SLC25A21: variants seen among roughly 807,000 people sequenced by gnomAD.
The protein encoded by SLC25A21 is mitochondrial 2-oxodicarboxylate carrier.
Under a neutral mutation model 43.8 loss-of-function variants are expected in SLC25A21, and 47 were observed. The ratio of observed to expected loss-of-function variants is 1.07; its 90% confidence interval spans 0.85 to 1.37. The LOEUF (loss-of-function observed/expected upper bound fraction) is 1.37, where lower values mean the gene tolerates loss of function less well. Among genes scored for constraint, SLC25A21 ranks in the 40% most tolerant of loss-of-function variants. The pLI, the probability that SLC25A21 is intolerant of heterozygous loss-of-function variation, is 0.00. For missense variants in SLC25A21, 352 were observed against 350.2 expected (o/e 1.00, Z -0.04); for synonymous variants, 131 against 121.3 (o/e 1.08, Z -0.52).
At chr14:36,940,727 G>T (rs1892535257) in intron 1 of SLC25A21, among the ~76,000 whole-genome samples, 1 of 152,112 alleles carries the variant, frequency 6.6e-6, no homozygotes, top group Non-Finnish European at 1.5e-5. Flanking sequence ...CAGCAACAAA[G>T]AATTTCAGAC....
intron 1 of SLC25A21, among the ~76,000 whole-genome samples, chr14:36,996,276 C>T (rs111475137): frequency 1.3e-5 from 2 of 152,282 alleles, no homozygotes; most frequent in African/African-American, 4.8e-5. Flanking sequence ...CTGTGCTTCA[C>T]TTGATCATAG....
intron 1 of SLC25A21, among the ~76,000 whole-genome samples, chr14:37,039,115 C>T (rs1555333): frequency 6.6e-6 from 1 of 151,944 alleles, no homozygotes; most frequent in South Asian, 2.1e-4. Flanking sequence ...AAGGATGGTA[C>T]GGTGAGGGGT....
intron 1 of SLC25A21, among the ~76,000 whole-genome samples, chr14:37,078,284 G>T (rs1453180833): frequency 6.6e-6 from 1 of 152,176 alleles, no homozygotes; most frequent in Non-Finnish European, 1.5e-5. Context: ...TGGGTTAGCT[G>T]ACATTCTTTC....
At chr14:36,716,394 A>G (rs1308670913) in intron 6 of SLC25A21, among the ~76,000 whole-genome samples, 1 of 152,228 alleles carries the variant, frequency 6.6e-6, no homozygotes, top group East Asian at 1.9e-4. Flanking sequence ...TTTGTTAAAT[A>G]AGTAAATTTT....
chr14:37,033,352 A>AT, intron 1 of SLC25A21, among the ~76,000 whole-genome samples: 1 of 152,358 alleles, frequency 6.6e-6, no homozygotes, highest in East Asian at 1.9e-4. Flanking sequence ...TATTTTTAAA[A>AT]TTTGTTCATT....
chr14:36,958,679 GCACA>G (rs71124786), intron 1 of SLC25A21, among the ~76,000 whole-genome samples: 4,411 of 136,896 alleles, frequency 0.032, 94 homozygotes, highest in African/African-American at 0.051. Context: ...AAGCACACGT[GCACA>G]CACACACACA....
rs911586068 is a variant in SLC25A21 at position 36,680,145 on chromosome 14, A to G, written c.*513T>C. The G allele has an allele frequency of 1.2e-6, 1 of 852,722 alleles. No homozygotes were observed. The highest frequency in any genetic ancestry group is 1.8e-5 in the African/African-American group (1 of 54,184). The allele number at this position is 852,722 out of a possible 1,614,324, so 52.8% of individuals were successfully genotyped here. On this transcript the variant is annotated 3_prime_UTR_variant, in exon 10 of 10. Coordinates refer to ENST00000331299, the MANE Select transcript of SLC25A21 (RefSeq NM_030631.4). The stretch of plus-strand genomic sequence containing the variant: ...CATTCTTAAAAGGTCATTTTAGTGC[A>G]CTTTAAAAAATTTTTCTTGTGCTCT...
intron 1 of SLC25A21, among the ~76,000 whole-genome samples, chr14:37,129,288 C>T (rs1963352173): frequency 6.6e-6 from 1 of 152,164 alleles, no homozygotes; most frequent in South Asian, 2.1e-4. Context: ...AAAAACCAAA[C>T]AATTGGCACT....
intron 1 of SLC25A21, among the ~76,000 whole-genome samples, chr14:37,105,256 C>G (rs1358990443): frequency 1.3e-5 from 2 of 152,150 alleles, no homozygotes; most frequent in Admixed American, 6.5e-5. Context: ...AATGTGAAGT[C>G]AAACTCTGAA....
intron 1 of SLC25A21, among the ~76,000 whole-genome samples, chr14:37,139,023 A>G (rs1042901603): frequency 6.6e-6 from 1 of 152,114 alleles, no homozygotes; most frequent in Admixed American, 6.5e-5. Context: ...CTTTTGTACT[A>G]CGTGGAATTC....
chr14:36,772,562 A>G (rs1886659363), intron 3 of SLC25A21, among the ~76,000 whole-genome samples: 1 of 152,202 alleles, frequency 6.6e-6, no homozygotes, highest in Non-Finnish European at 1.5e-5. Flanking sequence ...TGTGAAGAGC[A>G]GAGAACAAAA....
chr14:37,025,626 G>C (rs1332214816), intron 1 of SLC25A21, among the ~76,000 whole-genome samples: 2 of 152,112 alleles, frequency 1.3e-5, no homozygotes, highest in Non-Finnish European at 2.9e-5. Context: ...AGCTGTGCCA[G>C]CAAAAGACTT....
intron 1 of SLC25A21, among the ~76,000 whole-genome samples, chr14:37,022,670 C>T (rs527962168): frequency 5.3e-5 from 8 of 151,990 alleles, no homozygotes; most frequent in Admixed American, 5.2e-4. Flanking sequence ...CAGATTAATC[C>T]TCCTAAAATA....
intron 7 of SLC25A21, among the ~76,000 whole-genome samples, chr14:36,687,219 T>C (rs1018642837): frequency 6.6e-6 from 1 of 152,150 alleles, no homozygotes; most frequent in Non-Finnish European, 1.5e-5. Context: ...TCCCAAAGTG[T>C]TGGGATTACA....
intron 7 of SLC25A21, among the ~76,000 whole-genome samples, chr14:36,709,006 C>T (rs1212417432): frequency 6.7e-6 from 1 of 149,312 alleles, no homozygotes; most frequent in Non-Finnish European, 1.5e-5. Flanking sequence ...TCTGATTAAT[C>T]TTTTTTTTTT....
intron 1 of SLC25A21, among the ~76,000 whole-genome samples, chr14:37,038,039 C>G (rs1961366796): frequency 6.6e-6 from 1 of 152,122 alleles, no homozygotes; most frequent in African/African-American, 2.4e-5. Flanking sequence ...TAACTTTATA[C>G]CCACATACTT....
chr14:37,145,969 G>A (rs1276600577), intron 1 of SLC25A21, among the ~76,000 whole-genome samples: 1 of 151,948 alleles, frequency 6.6e-6, no homozygotes, highest in Non-Finnish European at 1.5e-5. Context: ...TACAGCATTC[G>A]GTTCCTAGGG....
intron 1 of SLC25A21, among the ~76,000 whole-genome samples, chr14:36,963,219 A>T (rs555476558): frequency 6.6e-6 from 1 of 152,140 alleles, no homozygotes; most frequent in Non-Finnish European, 1.5e-5. Flanking sequence ...TAAAGAAACG[A>T]TAAGTGAAAA....
At chr14:36,883,147 C>A (rs1890791663) in intron 1 of SLC25A21, among the ~76,000 whole-genome samples, 2 of 152,146 alleles carry the variant, frequency 1.3e-5, no homozygotes, top group African/African-American at 4.8e-5. Context: ...TTCTGGTCAA[C>A]AATGGCTCCC....
Sources: gnomAD v4.1 joint callset for allele counts (sites outside exome capture counted in the v4.1 genomes callset) on GRCh38, gnomAD v4.1.1 for gene constraint, MANE v1.5 for transcripts, NCBI Gene and HGNC (gene_info 2026-07-23, HGNC 2026-07-21) for gene names.